The following DCTN6 variants were observed in gnomAD, a reference collection of about 807,000 sequenced individuals.
DCTN6 encodes dynactin 6.
DCTN6 carries 15 observed loss-of-function variants against 25.8 expected under a neutral mutation model. That is an observed-to-expected ratio of 0.58 (90% CI 0.39 to 0.89). DCTN6 has a LOEUF of 0.89. Ranked by LOEUF, DCTN6 falls within the 40% of genes least tolerant of loss-of-function variation. The pLI is 0.00. For synonymous variants in DCTN6, 64 were observed against 78.3 expected (o/e 0.82, Z 0.96); for missense variants, 198 against 237.6 (o/e 0.83, Z 1.09).
intron 4 of DCTN6, among the ~76,000 whole-genome samples, chr8:30,178,310 A>T (rs1204258920): frequency 6.6e-6 from 1 of 151,994 alleles, no homozygotes. Flanking sequence ...CTAAAAATAC[A>T]AAATTAGCCG....
chr8:30,161,857 C>G (rs1420145249), intron 1 of DCTN6, among the ~76,000 whole-genome samples: 1 of 151,428 alleles, frequency 6.6e-6, no homozygotes, highest in Non-Finnish European at 1.5e-5. Flanking sequence ...ACACCACTCT[C>G]CTGCCTCAGC....
At chr8:30,165,316 G>A (rs1325631571) in intron 2 of DCTN6, among the ~76,000 whole-genome samples, 1 of 151,850 alleles carries the variant, frequency 6.6e-6, no homozygotes, top group Non-Finnish European at 1.5e-5. Context: ...AGTTTTATTG[G>A]TGTGAGCTCA....
intron 2 of DCTN6, among the ~76,000 whole-genome samples, chr8:30,166,645 G>C (rs982839621): frequency 1.3e-5 from 2 of 152,114 alleles, no homozygotes; most frequent in African/African-American, 4.8e-5. Context: ...GAAGGTAGCT[G>C]CCAGTGATTG....
At position 30,160,761 on chromosome 8, in the gene DCTN6, C is replaced by T. The variant is rs535512700; in HGVS notation, c.24-3350C>T. Among the ~76,000 whole-genome samples the T allele has an allele frequency of 2.2e-3, 336 of 152,290 alleles. 1 individual carries two copies. Among genetic ancestry groups the T allele is most frequent in the Non-Finnish European group, 4.1e-3 (277 of 68,020 alleles). On this transcript the variant is annotated intron_variant, in intron 1 of 6. Transcript: ENST00000221114. ...TATAGGTTTTATGCAAACACTGCAG[C>T]ATTTTATATCAGAGACTTGAACATC...
chr8:30,165,040 A>T (rs1803646932), intron 2 of DCTN6, among the ~76,000 whole-genome samples: 1 of 152,234 alleles, frequency 6.6e-6, no homozygotes. Flanking sequence ...ACAAGGAAAA[A>T]GAGGAGAAGA....
At chr8:30,164,222 A>G (rs1803635508) in intron 2 of DCTN6, 47 bp downstream of exon 2, 1 of 1,457,422 alleles carries the variant, frequency 6.9e-7, no homozygotes. Context: ...ATGTGATTTA[A>G]TCTATTTTAG....
chr8:30,157,174 A>G (rs1803537500), intron 1 of DCTN6, among the ~76,000 whole-genome samples: 2 of 152,314 alleles, frequency 1.3e-5, no homozygotes, highest in East Asian at 1.9e-4. Flanking sequence ...GCTCCCACTT[A>G]AAAGTGAGAA....
rs149208773 is a variant in DCTN6, at chr8:30,178,193, G to A, written c.283+979G>A. Among the ~76,000 whole-genome samples, 670 of 152,224 alleles carry A rather than the reference G, an allele frequency of 4.4e-3. 4 individuals are homozygous for A. Among genetic ancestry groups the A allele is most frequent in the African/African-American group, 0.015 (630 of 41,520 alleles). On this transcript the variant is annotated intron_variant, in intron 4 of 6. Coordinates refer to ENST00000221114, the MANE Select transcript of DCTN6 (RefSeq NM_006571.4). ...AGATAGTAAAATCAGGGCAGGCACCGTGGTTCATGTCCGTAATCCCAGCAT... is the reference window on the plus strand; with the variant it reads ...AGATAGTAAAATCAGGGCAGGCACCATGGTTCATGTCCGTAATCCCAGCAT...
At chr8:30,157,352 G>C (rs1490048198) in intron 1 of DCTN6, among the ~76,000 whole-genome samples, 1 of 152,268 alleles carries the variant, frequency 6.6e-6, no homozygotes, top group African/African-American at 2.4e-5. Flanking sequence ...TGAACACTTA[G>C]GTTGATTCCA....
At chr8:30,157,214 T>C (rs1484900175) in intron 1 of DCTN6, among the ~76,000 whole-genome samples, 1 of 152,218 alleles carries the variant, frequency 6.6e-6, no homozygotes, top group Non-Finnish European at 1.5e-5. Context: ...TTCTGAGTTA[T>C]CGCGTAAGGT....
chr8:30,169,411 A>G (rs993827627), intron 2 of DCTN6, among the ~76,000 whole-genome samples: 1 of 152,220 alleles, frequency 6.6e-6, no homozygotes, highest in African/African-American at 2.4e-5. Context: ...GATGCAAGGA[A>G]TATCTTTCTG....
chr8:30,180,870 A>G (rs549224839), intron 6 of DCTN6: 1 of 533,518 alleles, frequency 1.9e-6, no homozygotes, highest in Non-Finnish European at 3.3e-6. Context: ...TGTCTCTACA[A>G]ACACTAGAAA....
intron 6 of DCTN6, among the ~76,000 whole-genome samples, chr8:30,182,668 A>C (rs1251141900): frequency 6.6e-6 from 1 of 150,492 alleles, no homozygotes; most frequent in Non-Finnish European, 1.5e-5. Context: ...TCCACAACTT[A>C]TTAATAACCA....
At chr8:30,161,424 T>C (rs1803592729) in intron 1 of DCTN6, among the ~76,000 whole-genome samples, 1 of 152,138 alleles carries the variant, frequency 6.6e-6, no homozygotes, top group Admixed American at 6.5e-5. Context: ...CACCACCAAG[T>C]ACTTCTTCAT....
chr8:30,162,288 T>C (rs1382616089), intron 1 of DCTN6, among the ~76,000 whole-genome samples: 2 of 151,942 alleles, frequency 1.3e-5, no homozygotes, highest in Non-Finnish European at 2.9e-5. Flanking sequence ...GGTTTTGCCA[T>C]GTTGGCCAGG....
intron 1 of DCTN6, among the ~76,000 whole-genome samples, chr8:30,163,574 A>G (rs990104738): frequency 3.9e-5 from 6 of 152,356 alleles, no homozygotes; most frequent in Admixed American, 3.3e-4. Context: ...ATTAAAAGAA[A>G]AGATTCAAAA....
intron 2 of DCTN6, among the ~76,000 whole-genome samples, chr8:30,173,024 C>T (rs904777054): frequency 2.6e-5 from 4 of 152,160 alleles, no homozygotes; most frequent in Non-Finnish European, 5.9e-5. Flanking sequence ...AATCTTCCAT[C>T]CTGAATAGGA....
intron 6 of DCTN6, among the ~76,000 whole-genome samples, chr8:30,182,108 A>G (rs1803917769): frequency 6.6e-6 from 1 of 152,196 alleles, no homozygotes; most frequent in South Asian, 2.1e-4. Context: ...AGAGTGGGAA[A>G]TGAAGCTTGT....
chr8:30,173,150 G>A (rs1803785345), intron 2 of DCTN6, among the ~76,000 whole-genome samples: 1 of 152,194 alleles, frequency 6.6e-6, no homozygotes, highest in African/African-American at 2.4e-5. Flanking sequence ...GATAAGAAAT[G>A]TTGGGATGTT....
Sources: allele counts gnomAD v4.1 joint callset (sites outside exome capture counted in the v4.1 genomes callset), GRCh38; gene constraint gnomAD v4.1.1; transcripts MANE v1.5; gene names NCBI Gene and HGNC (gene_info 2026-07-23, HGNC 2026-07-21).